The following MACROD2 variants were observed in gnomAD, a reference collection of about 807,000 sequenced individuals.
The protein encoded by MACROD2 is mono-ADP ribosylhydrolase 2.
MACROD2 carries 36 observed loss-of-function variants against 70.4 expected under a neutral mutation model. The observed-to-expected ratio is 0.51, with a 90% CI of 0.39 to 0.68. MACROD2 has a LOEUF of 0.68. Ranked by LOEUF, MACROD2 falls within the 30% of genes least tolerant of loss-of-function variation. MACROD2 has a pLI of 0.00. For missense variants in MACROD2, 496 were observed against 538.4 expected, an observed-to-expected ratio of 0.92 and a Z score of 0.78; for synonymous variants, 172 against 178.8, an observed-to-expected ratio of 0.96 and a Z score of 0.30.
At chr20:14,385,007 T>C (rs961839152) in intron 3 of MACROD2, among the ~76,000 whole-genome samples, 12 of 152,080 alleles carry the variant, frequency 7.9e-5, no homozygotes, top group African/African-American at 2.9e-4. Flanking sequence ...TCTGCTCTGT[T>C]CAAAGGTGCC....
intron 8 of MACROD2, among the ~76,000 whole-genome samples, chr20:15,749,809 AG>A (rs1201943113): frequency 6.6e-6 from 1 of 152,092 alleles, no homozygotes; most frequent in Non-Finnish European, 1.5e-5. Flanking sequence ...GAAAGGCAGA[AG>A]AAGGAGACTA....
At chr20:14,806,022 A>G (rs189840489) in intron 5 of MACROD2, among the ~76,000 whole-genome samples, 1 of 151,848 alleles carries the variant, frequency 6.6e-6, no homozygotes, top group East Asian at 1.9e-4. Flanking sequence ...ATAAAGCATT[A>G]AAAATAGTGC....
chr20:14,078,975 A>G (rs1422535744), intron 2 of MACROD2, among the ~76,000 whole-genome samples: 1 of 152,234 alleles, frequency 6.6e-6, no homozygotes, highest in African/African-American at 2.4e-5. Context: ...GTTCTGGTAT[A>G]TACTGTTATC....
intron 5 of MACROD2, among the ~76,000 whole-genome samples, chr20:15,113,798 G>A (rs1346694153): frequency 6.6e-6 from 1 of 151,496 alleles, no homozygotes; most frequent in African/African-American, 2.4e-5. Context: ...GTGTGTGTGT[G>A]TGCTGGAGGG....
chr20:15,072,767 C>A (rs944122088), intron 5 of MACROD2, among the ~76,000 whole-genome samples: 3 of 152,088 alleles, frequency 2.0e-5, no homozygotes, highest in African/African-American at 7.2e-5. Flanking sequence ...GTTTGAATAT[C>A]CCCCTTTCCA....
intron 4 of MACROD2, among the ~76,000 whole-genome samples, chr20:14,682,437 C>T (rs1568736244): frequency 6.6e-6 from 1 of 150,880 alleles, no homozygotes; most frequent in Non-Finnish European, 1.5e-5. Flanking sequence ...TATATATATA[C>T]ACATTACATA....
chr20:15,664,870 G>A (rs1432822878), intron 8 of MACROD2, among the ~76,000 whole-genome samples: 1 of 152,144 alleles, frequency 6.6e-6, no homozygotes, highest in Non-Finnish European at 1.5e-5. Context: ...CCTTCAGTGG[G>A]AGGAACCACA....
At chr20:14,953,953 A>G (rs1201313433) in intron 5 of MACROD2, among the ~76,000 whole-genome samples, 1 of 152,194 alleles carries the variant, frequency 6.6e-6, no homozygotes, top group Non-Finnish European at 1.5e-5. Context: ...GTGAGTGTTC[A>G]TTTAGAATGC....
intron 5 of MACROD2, among the ~76,000 whole-genome samples, chr20:14,918,608 G>GT (rs201816737): frequency 0.056 from 7,477 of 134,652 alleles, 277 homozygotes; most frequent in East Asian, 0.17. Context: ...GTGACACTGT[G>GT]TTTTTTTTGT....
chr20:15,845,063 G>A (rs745849615), intron 8 of MACROD2, among the ~76,000 whole-genome samples: 27 of 152,146 alleles, frequency 1.8e-4, no homozygotes, highest in Admixed American at 2.0e-4. Flanking sequence ...TGCTGTTAAA[G>A]TCAAGGTTTT....
At chr20:14,498,986 A>G (rs567954744) in intron 4 of MACROD2, among the ~76,000 whole-genome samples, 1 of 152,300 alleles carries the variant, frequency 6.6e-6, no homozygotes, top group East Asian at 1.9e-4. Flanking sequence ...GAGGCAGTTT[A>G]CAGAGGGTAG....
rs1467727569 is a variant in MACROD2 at position 14,200,324 on chromosome 20, G to A, written c.271+114596G>A. Among the ~76,000 whole-genome samples the A allele has an allele frequency of 2.0e-5, 3 of 152,152 alleles. No individual in the cohort carries two copies. In the East Asian group the frequency reaches 5.8e-4, roughly 29 times the overall value. The stretch of plus-strand genomic sequence containing the variant: ...TTCTCATAAGTGGGAGCTAAATTAT[G>A]AGAACACATGGACCCATAGAGGGGA... On this transcript the variant is annotated intron_variant, in intron 3 of 17. Transcript: ENST00000684519.
intron 3 of MACROD2, among the ~76,000 whole-genome samples, chr20:14,221,487 G>C (rs1569212883): frequency 6.6e-6 from 1 of 151,994 alleles, no homozygotes; most frequent in Non-Finnish European, 1.5e-5. Context: ...ACCAACTCAA[G>C]ACAGATTAAA....
At chr20:15,177,898 A>T (rs974939127) in intron 5 of MACROD2, among the ~76,000 whole-genome samples, 3 of 151,646 alleles carry the variant, frequency 2.0e-5, no homozygotes, top group Non-Finnish European at 2.9e-5. Flanking sequence ...TCATTTGCTT[A>T]CCCTAGATGC....
intron 8 of MACROD2, among the ~76,000 whole-genome samples, chr20:15,769,176 C>T (rs1334803726): frequency 1.3e-5 from 2 of 152,192 alleles, no homozygotes; most frequent in Non-Finnish European, 2.9e-5. Flanking sequence ...GAGACGGAGT[C>T]TCACTCTCTC....
chr20:16,022,177 C>T (rs1037355603), intron 15 of MACROD2, among the ~76,000 whole-genome samples: 3 of 151,538 alleles, frequency 2.0e-5, no homozygotes, highest in Non-Finnish European at 2.9e-5. Context: ...CAGCCTCCTG[C>T]GTAGCAGGGA....
chr20:15,802,574 C>A (rs78825543), intron 8 of MACROD2, among the ~76,000 whole-genome samples: 1 of 151,862 alleles, frequency 6.6e-6, no homozygotes, highest in Non-Finnish European at 1.5e-5. Flanking sequence ...CAAATAAACA[C>A]CCTAATGATG....
chr20:15,375,548 G>C (rs190701691), intron 6 of MACROD2, among the ~76,000 whole-genome samples: 75 of 152,266 alleles, frequency 4.9e-4, no homozygotes, highest in Non-Finnish European at 3.4e-4. Context: ...GGTAATTTGT[G>C]AGGTTATTAA....
intron 8 of MACROD2, among the ~76,000 whole-genome samples, chr20:15,722,696 G>A (rs1600807557): frequency 6.6e-6 from 1 of 151,332 alleles, no homozygotes; most frequent in Admixed American, 6.6e-5. Flanking sequence ...TTTACTCTTT[G>A]CATGATATCT....
Sources: gnomAD v4.1 joint callset for allele counts (sites outside exome capture counted in the v4.1 genomes callset) on GRCh38, gnomAD v4.1.1 for gene constraint, MANE v1.5 for transcripts, NCBI Gene and HGNC (gene_info 2026-07-23, HGNC 2026-07-21) for gene names.